The following ARHGEF28 variants were observed in gnomAD, a reference collection of about 807,000 sequenced individuals.
The protein encoded by ARHGEF28 is 190 kDa guanine nucleotide exchange factor.
Under a neutral mutation model 206.6 loss-of-function variants are expected in ARHGEF28, and 152 were observed. The ratio of observed to expected loss-of-function variants is 0.74; its 90% CI spans 0.64 to 0.84. The LOEUF (loss-of-function observed/expected upper bound fraction) is 0.84. Among genes scored for constraint, ARHGEF28 ranks in the 40% least tolerant of loss-of-function variants. The probability of loss-of-function intolerance (pLI) is 0.00; values close to 1 mark genes in which losing one functional copy is unlikely to be tolerated. For synonymous variants in ARHGEF28, 763 were observed against 776.4 expected (o/e 0.98, Z 0.29); for missense variants, 2,028 against 2,073.2 (o/e 0.98, Z 0.42).
intron 9 of ARHGEF28, among the ~76,000 whole-genome samples, chr5:73,829,940 TG>T (rs1166744736): frequency 2.0e-5 from 3 of 152,190 alleles, no homozygotes; most frequent in African/African-American, 7.2e-5. Flanking sequence ...TGGCTGATTT[TG>T]TAGAGACCCA....
At chr5:73,915,699 A>G (rs1041669510) in intron 35 of ARHGEF28, among the ~76,000 whole-genome samples, 1 of 152,174 alleles carries the variant, frequency 6.6e-6, no homozygotes, top group Non-Finnish European at 1.5e-5. Context: ...TCCTAGCTTT[A>G]ACATTTTAGA....
At chr5:73,677,301 C>T (rs185868131) in intron 1 of ARHGEF28, among the ~76,000 whole-genome samples, 124 of 152,272 alleles carry the variant, frequency 8.1e-4, no homozygotes, top group African/African-American at 1.9e-3. Flanking sequence ...ACAAGGACTT[C>T]CCATATATTC....
At chr5:73,686,458 A>C (rs866307439) in intron 2 of ARHGEF28, among the ~76,000 whole-genome samples, 4 of 152,120 alleles carry the variant, frequency 2.6e-5, no homozygotes, top group Non-Finnish European at 4.4e-5. Context: ...GCCCAAGGAG[A>C]GAAGAGATTT....
At chr5:73,752,465 C>G (rs1752067087) in intron 3 of ARHGEF28, among the ~76,000 whole-genome samples, 1 of 152,138 alleles carries the variant, frequency 6.6e-6, no homozygotes, top group African/African-American at 2.4e-5. Flanking sequence ...GGAATTAGGG[C>G]AAACTTGTGT....
At chr5:73,748,771 C>T (rs551322724) in intron 2 of ARHGEF28, among the ~76,000 whole-genome samples, 3 of 152,296 alleles carry the variant, frequency 2.0e-5, no homozygotes, top group South Asian at 2.1e-4. Context: ...TCCATTTCCC[C>T]GCCACTCCCA....
At chr5:73,797,957 C>A (rs982377899) in intron 9 of ARHGEF28, among the ~76,000 whole-genome samples, 5 of 152,188 alleles carry the variant, frequency 3.3e-5, no homozygotes, top group Non-Finnish European at 7.3e-5. Flanking sequence ...TGACATGTGA[C>A]TGAGGAATCG....
chr5:73,751,527 T>C (rs1580567018), intron 3 of ARHGEF28, among the ~76,000 whole-genome samples: 1 of 152,196 alleles, frequency 6.6e-6, no homozygotes. Flanking sequence ...TTCGTTTTGC[T>C]CCCTTTTCTT....
At chr5:73,704,750 G>A (rs1748832949) in intron 2 of ARHGEF28, among the ~76,000 whole-genome samples, 1 of 152,104 alleles carries the variant, frequency 6.6e-6, no homozygotes, top group African/African-American at 2.4e-5. Context: ...TTAAATAAAG[G>A]CAGGAAAACA....
chr5:73,854,831 C>CA (rs925742121), intron 14 of ARHGEF28, among the ~76,000 whole-genome samples: 105 of 146,114 alleles, frequency 7.2e-4, no homozygotes, highest in East Asian at 2.8e-3. Context: ...GACTCCATCT[C>CA]AAAAAAAAAC....
intron 7 of ARHGEF28, among the ~76,000 whole-genome samples, chr5:73,794,142 A>AT (rs1467391122): frequency 1.3e-5 from 2 of 151,958 alleles, no homozygotes; most frequent in Non-Finnish European, 2.9e-5. Flanking sequence ...TTTAATGATA[A>AT]TTTTTTCCCC....
At chr5:73,659,672 T>G (rs147409352) in intron 1 of ARHGEF28, among the ~76,000 whole-genome samples, 3 of 152,298 alleles carry the variant, frequency 2.0e-5, no homozygotes, top group African/African-American at 7.2e-5. Context: ...AGGCATATCT[T>G]GAAGATATTA....
Position 73,941,534 on chromosome 5 carries a change from T to C in ARHGEF28, c.*521T>C, listed in dbSNP as rs1742619664. The C allele has an allele frequency of 1.3e-5, 2 of 152,726 alleles. No homozygotes were observed. Among genetic ancestry groups the C allele is most frequent in the Admixed American group, 1.3e-4 (2 of 15,344 alleles). The allele number at this position is 152,726 out of a possible 1,614,324, so 9.5% of individuals were successfully genotyped here. A position where few individuals can be genotyped will look rare whatever the true frequency, so the allele number is the denominator to read the frequency against. On this transcript the variant is annotated 3_prime_UTR_variant, in exon 36 of 36. Coordinates refer to ENST00000513042, the MANE Select transcript of ARHGEF28 (RefSeq NM_001177693.2). ...AAGTGGTGATCTGTTACAGTCACTA[T>C]TCAACTGGGCACGTGTTGTGATTGG...
intron 1 of ARHGEF28, among the ~76,000 whole-genome samples, chr5:73,675,337 C>T (rs930662579): frequency 2.0e-5 from 3 of 152,108 alleles, no homozygotes; most frequent in African/African-American, 7.2e-5. Flanking sequence ...AGGGATGTCC[C>T]TTAATGTGAA....
chr5:73,821,784 A>T (rs1756604344), intron 9 of ARHGEF28, among the ~76,000 whole-genome samples: 1 of 152,198 alleles, frequency 6.6e-6, no homozygotes, highest in East Asian at 1.9e-4. Context: ...AAATCTAATC[A>T]TGCCGAAGTC....
At chr5:73,747,392 G>T (rs1751779745) in intron 2 of ARHGEF28, among the ~76,000 whole-genome samples, 1 of 152,166 alleles carries the variant, frequency 6.6e-6, no homozygotes, top group Non-Finnish European at 1.5e-5. Context: ...CCAAAAAACT[G>T]CCACCTGTGG....
intron 29 of ARHGEF28, among the ~76,000 whole-genome samples, chr5:73,894,964 G>C (rs1761875260): frequency 1.3e-5 from 2 of 151,568 alleles, no homozygotes; most frequent in South Asian, 4.2e-4. Flanking sequence ...CTGGTGCATG[G>C]AAGTGCCAGG....
At chr5:73,686,807 C>A (rs1747505876) in intron 2 of ARHGEF28, among the ~76,000 whole-genome samples, 1 of 152,030 alleles carries the variant, frequency 6.6e-6, no homozygotes, top group Admixed American at 6.5e-5. Context: ...CAGGCGTGAG[C>A]CACCGTGCCC....
In ARHGEF28 at chr5:73,941,431, C is replaced by CCACATA. The variant is rs1742612658; in HGVS notation, c.*419_*424dup. ...ACAGTCAGGGCAGTTGCCTCAGTGC[C>CCACATA]CACATAGGCAGAGGAGGATGTGGGA... On this transcript the variant is annotated 3_prime_UTR_variant, in exon 36 of 36. Coordinates refer to ENST00000513042, the MANE Select transcript of ARHGEF28 (RefSeq NM_001177693.2). 6.5e-6 allele frequency: 1 copy of CCACATA among 153,544 alleles called. No homozygotes were observed. Among genetic ancestry groups the CCACATA allele is most frequent in the African/African-American group, 2.4e-5 (1 of 41,442 alleles). The allele number at this position is 153,544 out of a possible 1,614,324, so 9.5% of individuals were successfully genotyped here. A position where few individuals can be genotyped will look rare whatever the true frequency, so the allele number is the denominator to read the frequency against.
At chr5:73,842,111 C>A (rs1579972493) in intron 11 of ARHGEF28, among the ~76,000 whole-genome samples, 3 of 152,070 alleles carry the variant, frequency 2.0e-5, no homozygotes, top group Admixed American at 2.0e-4. Flanking sequence ...TGTCTATTTT[C>A]TTTTGGGAAC....
Sources: gnomAD v4.1 joint callset for allele counts (sites outside exome capture counted in the v4.1 genomes callset) on GRCh38, gnomAD v4.1.1 for gene constraint, MANE v1.5 for transcripts, NCBI Gene and HGNC (gene_info 2026-07-23, HGNC 2026-07-21) for gene names.